The following CCDC88A variants were observed in gnomAD, a reference collection of about 807,000 sequenced individuals.
CCDC88A encodes coiled-coil and HOOK domain protein 88A, also known as girdin.
Under a neutral mutation model 234.3 loss-of-function variants are expected in CCDC88A, and 54 were observed. The observed-to-expected ratio is 0.23, with a 90% CI of 0.19 to 0.29. CCDC88A has a LOEUF of 0.29. CCDC88A is among the 10% of genes least tolerant of loss of function. The probability of loss-of-function intolerance (pLI) is 1.00; values close to 1 mark genes in which losing one functional copy is unlikely to be tolerated. For missense variants in CCDC88A, 1,832 were observed against 2,123.4 expected (o/e 0.86, Z 2.70); for synonymous variants, 753 against 737.8 (o/e 1.02, Z -0.33).
chr2:55,375,736 C>T (rs1574348081), intron 3 of CCDC88A, among the ~76,000 whole-genome samples: 2 of 151,780 alleles, frequency 1.3e-5, no homozygotes, highest in East Asian at 3.9e-4. Flanking sequence ...CCATGTTGGC[C>T]AGGCTGGTCA....
At chr2:55,331,876 G>A (rs1411795177) in intron 16 of CCDC88A, 3 of 151,484 alleles carry the variant, frequency 2.0e-5, no homozygotes, top group Non-Finnish European at 4.4e-5. Flanking sequence ...TCAACATTTT[G>A]GCAAATAAAG....
At chr2:55,305,371 T>G (rs1327212470) in intron 25 of CCDC88A, among the ~76,000 whole-genome samples, 1 of 152,234 alleles carries the variant, frequency 6.6e-6, no homozygotes, top group Non-Finnish European at 1.5e-5. Context: ...GGTTTGGGGT[T>G]TATTTTAAAA....
rs1277552996 is a variant in CCDC88A, at chr2:55,403,004, G to A, written c.165-14118C>T. On this transcript the variant is annotated intron_variant, in intron 2 of 32. Coordinates refer to ENST00000436346, the MANE Select transcript of CCDC88A (RefSeq NM_001365480.1). ...AGCCTGGGCAACTGAGCAAGACTCC[G>A]TCTAAAAAAAAAAAACCACATTCAT... 4.6e-5 allele frequency among the ~76,000 whole-genome samples: 7 copies of A among 150,626 alleles called. No individual in the cohort carries two copies. In the South Asian group the frequency reaches 6.3e-4, roughly 13 times the overall value.
rs371217296 is a variant in CCDC88A, at chr2:55,317,794, C to T, written c.3372G>A (p.Gln1124=). The change falls in exon 20 of 33, where the codon CAG becomes CAA. Residue 1124 remains glutamine (Q), a synonymous_variant. Coordinates refer to ENST00000436346, the MANE Select transcript of CCDC88A (RefSeq NM_001365480.1). This position sits in a 1 kb window ranked among gnomAD's most constrained non-coding sequence, Gnocchi z 4.2. ...ACTGCTGGATTAGGAGTTGGGCATT[C>T]TGGTTCATGAGTGAGGTACTTTGGG... is the stretch of plus-strand genomic sequence containing the variant. ...LNSQSTSLMN[Q]NAQLLIQQSS... is the part of the protein sequence containing the mutation. 20 of 1,610,164 alleles carry T rather than the reference C, an allele frequency of 1.2e-5. No homozygotes were observed. The highest frequency in any genetic ancestry group is 1.7e-5 in the Admixed American group (1 of 59,934).
At chr2:55,402,658 G>C (rs1385252149) in intron 2 of CCDC88A, among the ~76,000 whole-genome samples, 1 of 150,868 alleles carries the variant, frequency 6.6e-6, no homozygotes, top group East Asian at 1.9e-4. Context: ...AGAAATTATT[G>C]GTTCTTTGAA....
chr2:55,297,373 T>TTATATATAAA (rs1553385802), intron 29 of CCDC88A, among the ~76,000 whole-genome samples: 1 of 104,646 alleles, frequency 9.6e-6, no homozygotes, highest in East Asian at 2.2e-4. Flanking sequence ...ATAATATATA[T>TTATATATAAA]TATATATAAA....
Position 55,419,057 on chromosome 2 carries a change from G to A in CCDC88A, c.23C>T (p.Pro8Leu), listed in dbSNP as rs759392550. ...GCTGGTCATGAACTGCTCCAGAAGG[G>A]GAGTAAAAATTTCGTTCTCCATTTT... is the stretch of plus-strand genomic sequence containing the variant. MENEIFT[P>L]LLEQFMTSPL... is the part of the protein sequence containing the mutation. Residue 8 changes from proline (P) to leucine (L), a missense_variant, in exon 1 of 33, where the codon CCC (proline) becomes CTC (leucine). Physicochemically the swap from Pro to Leu is moderately conservative, Grantham distance 98 (BLOSUM62 -3). Transcript: ENST00000436346. 1.2e-6 allele frequency: 2 copies of A among 1,612,748 alleles called. No individual in the cohort carries two copies. Among genetic ancestry groups the A allele is most frequent in the Non-Finnish European group, 1.7e-6 (2 of 1,178,912 alleles).
rs1215910938 is a variant in CCDC88A at position 55,296,774 on chromosome 2, A to T, written c.4826-251T>A. 2.9e-5 allele frequency: 14 copies of T among 478,290 alleles called. No homozygotes were observed. The Admixed American group carries it at 4.9e-4, about 17-fold the overall frequency. The allele number at this position is 478,290 out of a possible 1,614,324, so 29.6% of individuals were successfully genotyped here. On this transcript the variant is annotated intron_variant, in intron 29 of 32. Transcript: ENST00000436346. Reference sequence around the variant, plus strand: ...ATAAGGGCAAAGACTTGCTTTTACTATCATACTCAGAGCCTAAACAGAGCC... The same window carrying T: ...ATAAGGGCAAAGACTTGCTTTTACTTTCATACTCAGAGCCTAAACAGAGCC...
intron 2 of CCDC88A, among the ~76,000 whole-genome samples, chr2:55,398,539 G>T (rs995067094): frequency 6.6e-6 from 1 of 152,110 alleles, no homozygotes; most frequent in Non-Finnish European, 1.5e-5. Flanking sequence ...TTAGGATCAC[G>T]GAAAACAGGC....
intron 3 of CCDC88A, among the ~76,000 whole-genome samples, chr2:55,384,112 T>C (rs563795182): frequency 1.6e-4 from 25 of 152,040 alleles, no homozygotes; most frequent in East Asian, 1.5e-3. Flanking sequence ...GGCGGAAGGA[T>C]TGCTTGAGCC....
intron 3 of CCDC88A, among the ~76,000 whole-genome samples, chr2:55,375,958 G>T (rs1310707331): frequency 6.6e-6 from 1 of 152,114 alleles, no homozygotes; most frequent in Non-Finnish European, 1.5e-5. Flanking sequence ...CCTCCTCAGT[G>T]AAACATTATT....
intron 31 of CCDC88A, chr2:55,294,595 A>G: frequency 1.0e-6 from 1 of 986,360 alleles, no homozygotes; most frequent in Non-Finnish European, 1.2e-6. Flanking sequence ...TGTAATATAA[A>G]GTACACATTC....
intron 2 of CCDC88A, chr2:55,404,504 T>A (rs536552942): frequency 2.6e-5 from 4 of 152,060 alleles, no homozygotes; most frequent in African/African-American, 9.6e-5. Context: ...AGATACCTAT[T>A]ACAAAAGCAC....
At chr2:55,376,572 A>C (rs985919457) in intron 3 of CCDC88A, among the ~76,000 whole-genome samples, 2 of 152,126 alleles carry the variant, frequency 1.3e-5, no homozygotes, top group African/African-American at 4.8e-5. Flanking sequence ...AGTTTCAAAA[A>C]AGTTTTCCTC....
At chr2:55,343,903 T>A (rs894417580) in intron 11 of CCDC88A, 111 bp from the exon 12 acceptor site, 74 of 922,968 alleles carry the variant, frequency 8.0e-5, no homozygotes, top group African/African-American at 7.1e-4. Context: ...GTAATAATTA[T>A]GAGTTCTTTA....
At chr2:55,397,217 C>T (rs1677762198) in intron 2 of CCDC88A, 1 of 152,174 alleles carries the variant, frequency 6.6e-6, no homozygotes, top group Admixed American at 6.6e-5. Context: ...GCCTCAGCCT[C>T]CCAAGTAGCT....
chr2:55,399,423 G>C (rs1678214151), intron 2 of CCDC88A, among the ~76,000 whole-genome samples: 1 of 151,796 alleles, frequency 6.6e-6, no homozygotes, highest in Non-Finnish European at 1.5e-5. Flanking sequence ...CAGTTATTCA[G>C]GAGGCTGAGG....
chr2:55,334,127 A>AAAGAAAAAGAGCTT lies in CCDC88A; in HGVS notation c.2693_2694insAAGCTCTTTTTCTT (p.Ile899SerfsTer8). 1 of 1,329,502 alleles carries AAAGAAAAAGAGCTT rather than the reference A, an allele frequency of 7.5e-7. No individual in the cohort carries two copies. Among genetic ancestry groups the AAAGAAAAAGAGCTT allele is most frequent in the East Asian group, 2.8e-5 (1 of 36,286 alleles). The allele number at this position is 1,329,502 out of a possible 1,614,324, so 82.4% of individuals were successfully genotyped here. ...GTGTAACCAACGTTTTTATATCAAT[A>AAAGAAAAAGAGCTT]GTTGCTCTTTTCACAAGCTCCTTAT... On this transcript the variant is annotated frameshift_variant, in exon 15 of 33. Transcript: ENST00000436346. LOFTEE classifies it high-confidence loss of function. This position sits in a 1 kb window ranked among gnomAD's most constrained non-coding sequence, Gnocchi z 6.1.
At chr2:55,401,497 T>C (rs28455536) in intron 2 of CCDC88A, among the ~76,000 whole-genome samples, 1 of 6,710 alleles carries the variant, frequency 1.5e-4, no homozygotes, top group South Asian at 0.01. Context: ...TGTGTGTGTA[T>C]ACATATATAT....
Sources: gnomAD v4.1 joint callset for allele counts (sites outside exome capture counted in the v4.1 genomes callset) on GRCh38, gnomAD v4.1.1 for gene constraint, Gnocchi (gnomAD v3.1) non-coding constraint, MANE v1.5 for transcripts, NCBI Gene and HGNC (gene_info 2026-07-23, HGNC 2026-07-21) for gene names.